Variants in PTGES2 observed in about 807,000 individuals in gnomAD.
The protein encoded by PTGES2 is GATE-binding factor 1.
Under a neutral mutation model 44.5 loss-of-function variants are expected in PTGES2, and 35 were observed. The observed-to-expected ratio is 0.79, with a 90% CI of 0.60 to 1.04. PTGES2 has a LOEUF of 1.04. Ranked by LOEUF, PTGES2 falls within the 50% of genes least tolerant of loss-of-function variation. The probability of loss-of-function intolerance (pLI) is 0.00; values close to 1 mark genes in which losing one functional copy is unlikely to be tolerated. For synonymous variants in PTGES2, 221 were observed against 227.5 expected, an observed-to-expected ratio of 0.97 and a Z score of 0.26; for missense variants, 517 against 521.4, an observed-to-expected ratio of 0.99 and a Z score of 0.08.
chr9:128,127,411 C>T lies in PTGES2; in HGVS notation c.279+28G>A, dbSNP rs533047259. ...TCCCGAGTTCGGCGCTGATCAGCAT[C>T]CCCATCCCCGGCCGGGCCAGGCCTT... On this transcript the variant is annotated intron_variant, in intron 1 of 6. Coordinates refer to ENST00000338961, the MANE Select transcript of PTGES2 (RefSeq NM_025072.7). The T allele has an allele frequency of 1.9e-5, 26 of 1,337,342 alleles. No homozygotes were observed. In the South Asian group the frequency reaches 5.1e-4, roughly 26 times the overall value. The allele number at this position is 1,337,342 out of a possible 1,614,324, so 82.8% of individuals were successfully genotyped here. A position where few individuals can be genotyped will look rare whatever the true frequency, so the allele number is the denominator to read the frequency against.
intron 1 of PTGES2, among the ~76,000 whole-genome samples, chr9:128,127,191 C>CAAAAAAAAAAAAAAAAAA (rs59234287): frequency 8.2e-5 from 2 of 24,488 alleles, no homozygotes; most frequent in Non-Finnish European, 1.6e-4. Flanking sequence ...ATAAACAAAC[C>CAAAAAAAAAAAAAAAAAA]AAAAAAAAAA....
chr9:128,125,636 TC>T (rs1834591522), intron 1 of PTGES2, among the ~76,000 whole-genome samples, 195 bp from the exon 2 acceptor site: 1 of 152,020 alleles, frequency 6.6e-6, no homozygotes, highest in Non-Finnish European at 1.5e-5. Flanking sequence ...GCCAGCACGG[TC>T]CCCAAGCAGG....
intron 2 of PTGES2, among the ~76,000 whole-genome samples, 170 bp downstream of exon 2, chr9:128,125,074 G>A (rs1834566495): frequency 6.6e-6 from 1 of 152,216 alleles, no homozygotes; most frequent in Non-Finnish European, 1.5e-5. Context: ...TACGGAAGGA[G>A]AGAGCCTACA....
At chr9:128,121,314 C>A in intron 6 of PTGES2, 41 bp from the exon 7 acceptor site, 1 of 1,586,656 alleles carries the variant, frequency 6.3e-7, no homozygotes, top group South Asian at 1.1e-5. Context: ...GCTGGTTTGA[C>A]AGGCATCCAG....
rs568273734 is a variant in PTGES2 at position 128,120,837 on chromosome 9, C to T, written c.*308G>A. The T allele has an allele frequency of 3.3e-5, 13 of 389,228 alleles. No homozygotes were observed. The highest frequency in any genetic ancestry group is 1.1e-4 in the South Asian group (3 of 27,272). The allele number at this position is 389,228 out of a possible 1,614,324, so 24.1% of individuals were successfully genotyped here. On this transcript the variant is annotated 3_prime_UTR_variant, in exon 7 of 7. Transcript: ENST00000338961. ...AAAACAAACCGTCCTGCTGTCCTGT[C>T]GAGGGCCCCCACCCACAGGATGTAG...
At chr9:128,128,098 C>T (rs59264553), upstream of PTGES2, 50 of 359,366 alleles carry the variant, frequency 1.4e-4, 1 homozygote, top group South Asian at 1.0e-3. Context: ...CAACTCCAGC[C>T]CTTCCTAGAG....
In PTGES2 at chr9:128,121,213, G is replaced by A. The variant is rs750877928; in HGVS notation, c.1066C>T (p.His356Tyr). ...AGGTACCAGGGCTGGATGTGCGTGTGCTGCATCAGGTCATCGAACGCATCC... is the reference window on the plus strand; with the variant it reads ...AGGTACCAGGGCTGGATGTGCGTGTACTGCATCAGGTCATCGAACGCATCC... ...GLDAFDDLMQ[H>Y]THIQPWYLRV... The change falls in exon 7 of 7, where the codon CAC becomes TAC. Residue 356 changes from histidine (H) to tyrosine (Y), a missense_variant. Transcript: ENST00000338961. 1 of 1,599,366 alleles carries A rather than the reference G, an allele frequency of 6.3e-7. No individual in the cohort carries two copies. Among genetic ancestry groups the A allele is most frequent in the Admixed American group, 1.7e-5 (1 of 58,124 alleles).
chr9:128,123,616 C>T lies in PTGES2; in HGVS notation c.686+86G>A. ...CGCTGGTCTCCCATGCTGCTCCCTG[C>T]TCACGCCATCTTGCTCAGCTTGGTC... is the stretch of plus-strand genomic sequence containing the variant. On this transcript the variant is annotated intron_variant, in intron 4 of 6. Coordinates refer to ENST00000338961, the MANE Select transcript of PTGES2 (RefSeq NM_025072.7). The surrounding 1 kb of genome is among the most constrained non-coding windows in gnomAD (Gnocchi z 4.4). The T allele has an allele frequency of 7.1e-7, 1 of 1,413,540 alleles. No homozygotes were observed. The highest frequency in any genetic ancestry group is 9.7e-7 in the Non-Finnish European group (1 of 1,028,660). 87.6% of individuals were successfully genotyped at this position (1,413,540 alleles called of 1,614,324 possible). A position where few individuals can be genotyped will look rare whatever the true frequency, so the allele number is the denominator to read the frequency against.
intron 1 of PTGES2, among the ~76,000 whole-genome samples, chr9:128,126,332 G>A (rs1264062938): frequency 2.6e-5 from 4 of 152,074 alleles, no homozygotes; most frequent in African/African-American, 9.7e-5. Context: ...GTGTCTCAAG[G>A]CAGCTGGGCC....
chr9:128,127,743 G>A (rs942930279), upstream of PTGES2: 67 of 1,251,838 alleles, frequency 5.4e-5, no homozygotes, highest in African/African-American at 6.2e-5. Context: ...GCCGCGGGCG[G>A]GCGCGCGAAA....
rs1434532759 is a variant in PTGES2, at chr9:128,125,353, T to C, written c.368A>G (p.His123Arg). Residue 123 changes from histidine to arginine, a missense_variant, in exon 2 of 7, where the codon CAT (histidine) becomes CGT (arginine). Coordinates refer to ENST00000338961, the MANE Select transcript of PTGES2 (RefSeq NM_025072.7). ...CSKVRAFLDF[H>R]ALPYQVVEVN... ...CTCCACCACCTGGTAGGGCAGGGCA[T>C]GGAAGTCGAGGAAGGCTCGGACCTT... 1 of 1,614,094 alleles carries C rather than the reference T, an allele frequency of 6.2e-7. No homozygotes were observed. Among genetic ancestry groups the C allele is most frequent in the Non-Finnish European group, 8.5e-7 (1 of 1,179,986 alleles).
intron 3 of PTGES2, 150 bp downstream of exon 3, chr9:128,124,342 C>T (rs529331241): frequency 3.3e-6 from 2 of 602,166 alleles, no homozygotes; most frequent in Non-Finnish European, 5.7e-6. Context: ...CCTCGGCCTC[C>T]CAAAGTGCTG....
Position 128,120,898 on chromosome 9 carries a change from C to T in PTGES2, c.*247G>A, listed in dbSNP as rs1294997162. On this transcript the variant is annotated 3_prime_UTR_variant, in exon 7 of 7. Coordinates refer to ENST00000338961, the MANE Select transcript of PTGES2 (RefSeq NM_025072.7). ...GCCACTGAGGGTCCAGGAAGAGGGG[C>T]GGCAGAGCAGGGAGGCAGGGACAGG... is the stretch of plus-strand genomic sequence containing the variant. 5 of 521,446 alleles carry T rather than the reference C, an allele frequency of 9.6e-6. No homozygotes were observed. Among genetic ancestry groups the T allele is most frequent in the Admixed American group, 3.8e-5 (1 of 26,586 alleles). The allele number at this position is 521,446 out of a possible 1,614,324, so 32.3% of individuals were successfully genotyped here. A position where few individuals can be genotyped will look rare whatever the true frequency, so the allele number is the denominator to read the frequency against.
intron 2 of PTGES2, 117 bp downstream of exon 2, chr9:128,125,127 C>T (rs1287601435): frequency 6.1e-6 from 6 of 985,566 alleles, no homozygotes; most frequent in Non-Finnish European, 9.0e-6. Flanking sequence ...CCCCATAGTC[C>T]TTACAGGCAC....
intron 2 of PTGES2, 134 bp from the exon 3 acceptor site, chr9:128,124,684 C>T: frequency 1.6e-6 from 2 of 1,265,614 alleles, no homozygotes; most frequent in East Asian, 5.6e-5. Context: ...CCCGCCCTGC[C>T]CTCAGGGCAC....
rs575035574 is a variant in PTGES2 at position 128,126,119 on chromosome 9, C to A, written c.280-678G>T. On this transcript the variant is annotated intron_variant, in intron 1 of 6. Coordinates refer to ENST00000338961, the MANE Select transcript of PTGES2 (RefSeq NM_025072.7). Reference sequence around the variant, plus strand: ...AAAGCCCCCAGGGGAGCCTGCTGCACGTTCATGCCGGGAAGCCACAACTGT... The same window carrying A: ...AAAGCCCCCAGGGGAGCCTGCTGCAAGTTCATGCCGGGAAGCCACAACTGT... Among the ~76,000 whole-genome samples the A allele has an allele frequency of 2.7e-4, 41 of 152,314 alleles. No individual in the cohort carries two copies. The East Asian group carries it at 7.3e-3, about 27-fold the overall frequency.
upstream of PTGES2, chr9:128,127,983 T>A: frequency 4.6e-6 from 2 of 438,636 alleles, no homozygotes; most frequent in East Asian, 4.0e-5. Flanking sequence ...CCCGGCCGAC[T>A]GCAGGGGGGC....
chr9:128,126,033 C>G (rs939496669), intron 1 of PTGES2, among the ~76,000 whole-genome samples: 2 of 152,208 alleles, frequency 1.3e-5, no homozygotes, highest in Middle Eastern at 3.2e-3. Flanking sequence ...AAGTCTATCT[C>G]AAATATCCGA....
chr9:128,124,899 G>T, intron 2 of PTGES2: 1 of 1,250,772 alleles, frequency 8.0e-7, no homozygotes, highest in Non-Finnish European at 1.0e-6. Context: ...GTCCCTTGTT[G>T]ACTCATGAAG....
Sources: allele counts gnomAD v4.1 joint callset (sites outside exome capture counted in the v4.1 genomes callset), GRCh38; gene constraint gnomAD v4.1.1; non-coding constraint Gnocchi (gnomAD v3.1); transcripts MANE v1.5; gene names NCBI Gene and HGNC (gene_info 2026-07-23, HGNC 2026-07-21).